SNTG1: variants seen among roughly 807,000 people sequenced by gnomAD.
The protein encoded by SNTG1 is syntrophin gamma 1.
A neutral mutation model predicts 74.7 loss-of-function variants in SNTG1; 39 were observed. The ratio of observed to expected loss-of-function variants is 0.52; its 90% CI spans 0.40 to 0.68. The LOEUF is 0.68. Ranked by LOEUF, SNTG1 falls within the 30% of genes least tolerant of loss-of-function variation. SNTG1 has a pLI of 0.00. For synonymous variants in SNTG1, 254 were observed against 217.1 expected (o/e 1.17, Z -1.49); for missense variants, 685 against 609.5 (o/e 1.12, Z -1.30).
rs1318343343 is a variant in SNTG1 at position 50,785,538 on chromosome 8, C to T, written c.1396-7133C>T. The stretch of plus-strand genomic sequence containing the variant: ...TTGAAATGGTATTTTTAAAACACTT[C>T]CCACAAGAAAAAGCCCCAAATCAAG... On this transcript the variant is annotated intron_variant, in intron 18 of 18. Transcript: ENST00000642720. Among the ~76,000 whole-genome samples, 6 of 152,072 alleles carry T rather than the reference C, an allele frequency of 3.9e-5. No individual in the cohort carries two copies. In the East Asian group the frequency reaches 1.2e-3, roughly 29 times the overall value.
At chr8:50,688,758 A>G (rs2095364161) in intron 15 of SNTG1, among the ~76,000 whole-genome samples, 2 of 152,124 alleles carry the variant, frequency 1.3e-5, no homozygotes, top group African/African-American at 4.8e-5. Context: ...TTGGTTCCAT[A>G]TGAACTTTAA....
chr8:50,386,338 T>C (rs901207071), intron 2 of SNTG1, among the ~76,000 whole-genome samples: 1 of 152,086 alleles, frequency 6.6e-6, no homozygotes, highest in Non-Finnish European at 1.5e-5. Flanking sequence ...AGAACCAGTG[T>C]CTGGTAGTTG....
chr8:50,734,796 G>T (rs1351198047), intron 17 of SNTG1, among the ~76,000 whole-genome samples: 5 of 77,082 alleles, frequency 6.5e-5, no homozygotes, highest in African/African-American at 1.3e-4. Flanking sequence ...TATATATATG[G>T]ACATATATAT....
chr8:50,462,369 A>G (rs112576256), intron 8 of SNTG1, among the ~76,000 whole-genome samples: 2,779 of 141,288 alleles, frequency 0.02, 140 homozygotes, highest in African/African-American at 0.065. Flanking sequence ...GCTCTCAGTG[A>G]GTCATAATCT....
intron 8 of SNTG1, among the ~76,000 whole-genome samples, chr8:50,457,249 T>C (rs1409367850): frequency 1.3e-5 from 2 of 152,174 alleles, no homozygotes; most frequent in East Asian, 3.9e-4. Context: ...CAAACATTTG[T>C]TAAAGCCCAC....
At chr8:50,089,040 A>C (rs1373075750) in intron 1 of SNTG1, among the ~76,000 whole-genome samples, 1 of 151,758 alleles carries the variant, frequency 6.6e-6, no homozygotes, top group Non-Finnish European at 1.5e-5. Context: ...ACAGCATGGT[A>C]CTGGTACCAA....
rs141510751 is a variant in SNTG1 at position 50,391,299 on chromosome 8, G to A, written c.-27-2913G>A. ...GCGTGAAGGACTGTTGAATTTTGTC[G>A]AAGGTCTTTGCTGCATTTATTGAGA... On this transcript the variant is annotated intron_variant, in intron 2 of 18. Coordinates refer to ENST00000642720, the MANE Select transcript of SNTG1 (RefSeq NM_018967.5). Among the ~76,000 whole-genome samples the A allele has an allele frequency of 3.8e-3, 571 of 152,206 alleles. 3 individuals are homozygous for A. The highest frequency in any genetic ancestry group is 6.1e-3 in the Non-Finnish European group (417 of 68,004).
At chr8:50,449,051 A>T (rs1180459007) in intron 5 of SNTG1, among the ~76,000 whole-genome samples, 1 of 152,094 alleles carries the variant, frequency 6.6e-6, no homozygotes, top group Non-Finnish European at 1.5e-5. Flanking sequence ...ATAAATAAAT[A>T]CATAAATAAA....
chr8:50,317,736 A>T (rs529904037), intron 2 of SNTG1, among the ~76,000 whole-genome samples: 22 of 152,338 alleles, frequency 1.4e-4, no homozygotes, highest in African/African-American at 5.1e-4. Context: ...TCGTTTGCCT[A>T]TTCATGACAT....
chr8:49,937,464 T>C (rs1477869944), intron 1 of SNTG1, among the ~76,000 whole-genome samples: 1 of 152,218 alleles, frequency 6.6e-6, no homozygotes, highest in Non-Finnish European at 1.5e-5. Flanking sequence ...CATAAAGCTG[T>C]TACAAAATTA....
At chr8:49,920,845 A>G (rs565756491) in intron 1 of SNTG1, among the ~76,000 whole-genome samples, 2 of 152,280 alleles carry the variant, frequency 1.3e-5, no homozygotes, top group South Asian at 4.1e-4. Context: ...AAATTAGCCT[A>G]TTAAAACTAA....
chr8:50,493,877 T>G (rs1255963771), intron 8 of SNTG1, among the ~76,000 whole-genome samples: 1 of 151,632 alleles, frequency 6.6e-6, no homozygotes, highest in Non-Finnish European at 1.5e-5. Flanking sequence ...AAGATAACCA[T>G]TATCTCCATT....
chr8:50,183,273 G>T (rs143330173), intron 2 of SNTG1, among the ~76,000 whole-genome samples: 1 of 152,098 alleles, frequency 6.6e-6, no homozygotes, highest in Non-Finnish European at 1.5e-5. Context: ...TTACGCTTCC[G>T]CATTCACACA....
intron 1 of SNTG1, among the ~76,000 whole-genome samples, chr8:49,947,039 C>T (rs151174202): frequency 0.013 from 1,970 of 152,274 alleles, 48 homozygotes; most frequent in African/African-American, 0.043. Flanking sequence ...GTGGCTCATG[C>T]CTGTAATCCC....
At chr8:50,660,500 AGGAGAAGGAAGGGAGGGAGGGAG>A (rs986432346) in intron 15 of SNTG1, among the ~76,000 whole-genome samples, 1 of 139,306 alleles carries the variant, frequency 7.2e-6, no homozygotes, top group Non-Finnish European at 1.6e-5. Context: ...GAAAGAAGGA[AGGAGAAGGAAGGGAGGGAGGGAG>A]GGAGAAGGAA....
chr8:50,330,471 CAA>C (rs1171993463), intron 2 of SNTG1, among the ~76,000 whole-genome samples: 2 of 152,188 alleles, frequency 1.3e-5, no homozygotes, highest in African/African-American at 4.8e-5. Context: ...TAGAAAGTTT[CAA>C]ACTTTCTCAC....
In SNTG1 at chr8:50,249,531, C is replaced by T. The variant is rs533637227; in HGVS notation, c.-28+76896C>T. The stretch of plus-strand genomic sequence containing the variant: ...TGCTCAGTTGCTTAACACATGCACA[C>T]CCACCCCTGCCCCTTACAGACCAGG... On this transcript the variant is annotated intron_variant, in intron 2 of 18. Transcript: ENST00000642720. Among the ~76,000 whole-genome samples the T allele has an allele frequency of 1.8e-4, 28 of 152,328 alleles. 1 individual carries two copies. The highest frequency in any genetic ancestry group is 6.0e-4 in the African/African-American group (25 of 41,598).
chr8:49,965,006 C>T (rs530097267), intron 1 of SNTG1, among the ~76,000 whole-genome samples: 12 of 152,128 alleles, frequency 7.9e-5, no homozygotes, highest in East Asian at 1.9e-4. Flanking sequence ...AATGGCATAC[C>T]GAACAGGATA....
chr8:50,315,866 G>A (rs1157941558), intron 2 of SNTG1, among the ~76,000 whole-genome samples: 2 of 152,090 alleles, frequency 1.3e-5, no homozygotes. Flanking sequence ...GTGCTGATAA[G>A]CACATGTCTA....
Sources: allele counts gnomAD v4.1 joint callset (sites outside exome capture counted in the v4.1 genomes callset), GRCh38; gene constraint gnomAD v4.1.1; transcripts MANE v1.5; gene names NCBI Gene and HGNC (gene_info 2026-07-23, HGNC 2026-07-21).